The following NPAS3 variants were observed in gnomAD, a reference collection of about 807,000 sequenced individuals.
NPAS3 encodes the protein neuronal PAS domain protein 3, also known as neuronal PAS domain-containing protein 3.
A neutral mutation model predicts 73.1 loss-of-function variants in NPAS3; 14 were observed. That is an observed-to-expected ratio of 0.19 (90% confidence interval 0.13 to 0.30). The LOEUF (loss-of-function observed/expected upper bound fraction) is 0.30. Ranked by LOEUF, NPAS3 falls within the 10% of genes least tolerant of loss-of-function variation. NPAS3 has a pLI of 1.00. For synonymous variants in NPAS3, 620 were observed against 541.5 expected (o/e 1.14, Z -2.01); for missense variants, 1,096 against 1,250.0 (o/e 0.88, Z 1.86).
At chr14:33,577,898 G>A (rs1294832526) in intron 5 of NPAS3, among the ~76,000 whole-genome samples, 1 of 152,134 alleles carries the variant, frequency 6.6e-6, no homozygotes, top group African/African-American at 2.4e-5. Flanking sequence ...TGTATAAGGG[G>A]GATTGGCTAA....
At chr14:33,603,706 G>A (rs2057468439) in intron 5 of NPAS3, among the ~76,000 whole-genome samples, 1 of 152,160 alleles carries the variant, frequency 6.6e-6, no homozygotes, top group Non-Finnish European at 1.5e-5. Context: ...CAAATGACAT[G>A]ATACTGGATG....
chr14:32,939,144 G>GCCGCC (rs2035847897), upstream of NPAS3: 1 of 110,058 alleles, frequency 9.1e-6, no homozygotes, highest in Admixed American at 1.3e-4. Flanking sequence ...CCGCCGCCAC[G>GCCGCC]GCCACGGCCA....
intron 4 of NPAS3, among the ~76,000 whole-genome samples, chr14:33,381,624 C>A (rs2046557516): frequency 6.6e-6 from 1 of 151,962 alleles, no homozygotes; most frequent in Admixed American, 6.6e-5. Flanking sequence ...GGGATTCGAA[C>A]CCTGAGGTGG....
chr14:33,000,983 A>C (rs1190503663), intron 1 of NPAS3, among the ~76,000 whole-genome samples: 3 of 152,222 alleles, frequency 2.0e-5, no homozygotes, highest in Admixed American at 6.5e-5. Flanking sequence ...TTTAGGACAT[A>C]CGTTTCTTTT....
intron 3 of NPAS3, among the ~76,000 whole-genome samples, chr14:33,317,737 C>T (rs1006030795): frequency 6.6e-6 from 1 of 152,146 alleles, no homozygotes; most frequent in East Asian, 1.9e-4. Flanking sequence ...CCCAGCCATG[C>T]TAAACTGTGA....
At chr14:33,558,527 T>C (rs1248904239) in intron 4 of NPAS3, among the ~76,000 whole-genome samples, 2 of 152,164 alleles carry the variant, frequency 1.3e-5, no homozygotes. Flanking sequence ...CCCAAAGTGC[T>C]AGGATTACAG....
At chr14:33,733,260 A>G (rs2061442901) in intron 6 of NPAS3, among the ~76,000 whole-genome samples, 1 of 152,148 alleles carries the variant, frequency 6.6e-6, no homozygotes, top group African/African-American at 2.4e-5. Context: ...CCAGGATGAA[A>G]AAAACTGCTA....
chr14:33,545,695 A>G (rs1407848759), intron 4 of NPAS3, among the ~76,000 whole-genome samples: 1 of 152,232 alleles, frequency 6.6e-6, no homozygotes, highest in Non-Finnish European at 1.5e-5. Flanking sequence ...AAACAAGGCC[A>G]TAGATTGTTC....
At chr14:33,582,573 T>C (rs1248635280) in intron 5 of NPAS3, among the ~76,000 whole-genome samples, 1 of 152,222 alleles carries the variant, frequency 6.6e-6, no homozygotes, top group Non-Finnish European at 1.5e-5. Context: ...AGCAACAGTA[T>C]GCACTATTTA....
At chr14:33,699,442 A>G (rs2060470945) in intron 6 of NPAS3, among the ~76,000 whole-genome samples, 1 of 152,174 alleles carries the variant, frequency 6.6e-6, no homozygotes, top group Non-Finnish European at 1.5e-5. Flanking sequence ...AGGAAAAATT[A>G]TTTGCACGGA....
At chr14:33,024,170 GTA>G (rs1555324579) in intron 1 of NPAS3, among the ~76,000 whole-genome samples, 4 of 139,482 alleles carry the variant, frequency 2.9e-5, no homozygotes, top group Non-Finnish European at 3.1e-5. Context: ...GTGTGTGTGT[GTA>G]TGTATATTCC....
At chr14:33,385,094 A>G (rs539917486) in intron 4 of NPAS3, among the ~76,000 whole-genome samples, 185 of 152,254 alleles carry the variant, frequency 1.2e-3, no homozygotes, top group Non-Finnish European at 1.7e-3. Context: ...AGCATTTTTA[A>G]TCTATGATGG....
At chr14:33,557,754 G>A (rs958273189) in intron 4 of NPAS3, among the ~76,000 whole-genome samples, 10 of 152,344 alleles carry the variant, frequency 6.6e-5, no homozygotes, top group Middle Eastern at 3.4e-3. Context: ...CAGATCACGA[G>A]GTCAGGAGAT....
intron 6 of NPAS3, among the ~76,000 whole-genome samples, chr14:33,677,554 A>G (rs2059803639): frequency 6.6e-6 from 1 of 152,168 alleles, no homozygotes; most frequent in Non-Finnish European, 1.5e-5. Context: ...ATAACTCAAC[A>G]TACTTCGAAG....
At chr14:33,160,755 C>A (rs2044844801) in intron 2 of NPAS3, among the ~76,000 whole-genome samples, 1 of 147,418 alleles carries the variant, frequency 6.8e-6, no homozygotes, top group Admixed American at 6.8e-5. Flanking sequence ...TGTTTTAAGT[C>A]ACAGAACTGC....
intron 2 of NPAS3, among the ~76,000 whole-genome samples, chr14:33,120,351 C>T (rs1173456373): frequency 6.6e-6 from 1 of 152,088 alleles, no homozygotes; most frequent in Non-Finnish European, 1.5e-5. Flanking sequence ...TAAATGACAG[C>T]TATTGCCAAC....
intron 2 of NPAS3, among the ~76,000 whole-genome samples, chr14:33,079,324 C>CTTTTTTTTTTTTTT (rs1566537489): frequency 1.8e-5 from 2 of 113,094 alleles, no homozygotes; most frequent in East Asian, 5.7e-4. Flanking sequence ...TTTTCTTTTT[C>CTTTTTTTTTTTTTT]CTTTTTTTTT....
At chr14:33,763,220 G>A (rs542764078) in intron 7 of NPAS3, among the ~76,000 whole-genome samples, 6 of 152,268 alleles carry the variant, frequency 3.9e-5, no homozygotes, top group East Asian at 3.9e-4. Flanking sequence ...TGGCACCGCC[G>A]TGGATTCATC....
At chr14:33,539,983 A>G (rs2054436110) in intron 4 of NPAS3, among the ~76,000 whole-genome samples, 1 of 152,170 alleles carries the variant, frequency 6.6e-6, no homozygotes, top group African/African-American at 2.4e-5. Context: ...CCACGAATGC[A>G]TCCTCACTCT....
Sources: gnomAD v4.1 joint callset for allele counts (sites outside exome capture counted in the v4.1 genomes callset) on GRCh38, gnomAD v4.1.1 for gene constraint, MANE v1.5 for transcripts, NCBI Gene and HGNC (gene_info 2026-07-23, HGNC 2026-07-21) for gene names.